Variants in CIB2 observed in about 807,000 individuals in gnomAD.
The protein encoded by CIB2 is calcium and integrin-binding family member 2.
A neutral mutation model predicts 23.1 loss-of-function variants in CIB2; 19 were observed. The observed-to-expected ratio is 0.82, with a 90% CI of 0.57 to 1.21. The LOEUF (loss-of-function observed/expected upper bound fraction) is 1.21. Among genes scored for constraint, CIB2 ranks in the 50% most tolerant of loss-of-function variants. CIB2 has a pLI of 0.00. For missense variants in CIB2, 220 were observed against 241.5 expected, an observed-to-expected ratio of 0.91 and a Z score of 0.59; for synonymous variants, 94 against 91.7, an observed-to-expected ratio of 1.03 and a Z score of -0.14.
At chr15:78,121,234 C>T (rs2074313461) in intron 2 of CIB2, among the ~76,000 whole-genome samples, 1 of 152,210 alleles carries the variant, frequency 6.6e-6, no homozygotes. Context: ...CTCCCAGACA[C>T]AGGGGCCTGT....
intron 2 of CIB2, among the ~76,000 whole-genome samples, chr15:78,117,455 A>G (rs1320997123): frequency 1.3e-5 from 2 of 152,134 alleles, no homozygotes; most frequent in Non-Finnish European, 2.9e-5. Flanking sequence ...TCCCAATGTA[A>G]ATGAGAATGA....
intron 2 of CIB2, among the ~76,000 whole-genome samples, chr15:78,114,838 C>T (rs1351779460): frequency 6.7e-6 from 1 of 149,926 alleles, no homozygotes; most frequent in Non-Finnish European, 1.5e-5. Flanking sequence ...GTCCTAGCTA[C>T]TCAGGAGGCT....
rs756431884 is a variant in CIB2, at chr15:78,131,196, A to G, written c.20T>C (p.Ile7Thr). The G allele has an allele frequency of 3.2e-6, 5 of 1,584,806 alleles. No individual in the cohort carries two copies. In the Admixed American group the frequency reaches 8.5e-5, roughly 27 times the overall value. The change falls in exon 1 of 6, where the codon ATC becomes ACC. Residue 7 changes from isoleucine (I) to threonine (T), a missense_variant. Physicochemically the swap from Ile to Thr is moderately conservative, Grantham distance 89. Transcript: ENST00000258930. The surrounding 1 kb of genome is among the most constrained non-coding windows in gnomAD (Gnocchi z 5.8). ...GTTGTCTAGCTGCTCTTCGGTGAAGATGGTCTGCTTGTTCCCCATGGTGGC... is the reference window on the plus strand; with the variant it reads ...GTTGTCTAGCTGCTCTTCGGTGAAGGTGGTCTGCTTGTTCCCCATGGTGGC... MGNKQT[I>T]FTEEQLDNYQ...
chr15:78,126,140 GCC>G (rs55741935), intron 1 of CIB2, among the ~76,000 whole-genome samples: 6 of 129,810 alleles, frequency 4.6e-5, no homozygotes, highest in Non-Finnish European at 8.0e-5. Flanking sequence ...CCTTTCCCCT[GCC>G]CCCCCCCCTT....
intron 2 of CIB2, among the ~76,000 whole-genome samples, chr15:78,115,920 A>G (rs558097011): frequency 5.5e-4 from 83 of 152,164 alleles, no homozygotes; most frequent in Non-Finnish European, 1.0e-3. Context: ...ATTTCTCCCC[A>G]GGAGCACTAA....
intron 2 of CIB2, among the ~76,000 whole-genome samples, chr15:78,112,339 G>T (rs1225078091): frequency 6.6e-6 from 1 of 152,142 alleles, no homozygotes; most frequent in Non-Finnish European, 1.5e-5. Flanking sequence ...GGCTGAGGTG[G>T]GAGGACCACT....
At chr15:78,111,570 A>AT (rs1290624222) in intron 2 of CIB2, among the ~76,000 whole-genome samples, 2 of 151,898 alleles carry the variant, frequency 1.3e-5, no homozygotes, top group African/African-American at 2.4e-5. Context: ...AAATCTTTTA[A>AT]TTTTTTCTCC....
At chr15:78,111,381 C>A (rs1596351013) in intron 2 of CIB2, 105 bp from the exon 3 acceptor site, 2 of 869,344 alleles carry the variant, frequency 2.3e-6, no homozygotes, top group East Asian at 5.2e-5. Flanking sequence ...ACATCCTCAG[C>A]CAGGACCAGG....
intron 2 of CIB2, chr15:78,120,548 T>C (rs2074303443): frequency 3.0e-6 from 3 of 985,246 alleles, no homozygotes; most frequent in Non-Finnish European, 3.6e-6. Context: ...ACAAGGGAAG[T>C]TGAAGTGCTA....
intron 1 of CIB2, among the ~76,000 whole-genome samples, chr15:78,128,494 T>G (rs996447350): frequency 1.3e-5 from 2 of 152,046 alleles, no homozygotes; most frequent in African/African-American, 2.4e-5. Context: ...CTGGCCAACA[T>G]GGCAAAACCC....
At chr15:78,108,828 C>G (rs1201728185) in intron 4 of CIB2, among the ~76,000 whole-genome samples, 1 of 152,062 alleles carries the variant, frequency 6.6e-6, no homozygotes, top group Non-Finnish European at 1.5e-5. Flanking sequence ...ACTCATACCG[C>G]CCCCTGTCCC....
intron 2 of CIB2, among the ~76,000 whole-genome samples, chr15:78,119,142 A>C (rs543065131): frequency 1.3e-5 from 2 of 152,078 alleles, no homozygotes; most frequent in Non-Finnish European, 2.9e-5. Context: ...GACTTTAAAA[A>C]AAAAAAAAAA....
In CIB2 at chr15:78,130,939, G is replaced by C. The variant is rs182330972; in HGVS notation, c.51+226C>G. On this transcript the variant is annotated intron_variant, in intron 1 of 5. Coordinates refer to ENST00000258930, the MANE Select transcript of CIB2 (RefSeq NM_006383.4). The stretch of plus-strand genomic sequence containing the variant: ...GGCGAGAGTAGCTGGAGAGAGGCGC[G>C]CCTGAGAGGTTCTTCCAACTGGAAA... 1.2e-4 allele frequency among the ~76,000 whole-genome samples: 19 copies of C among 152,292 alleles called. No individual in the cohort carries two copies. The East Asian group carries it at 3.7e-3, about 30-fold the overall frequency.
chr15:78,111,019 A>C lies in CIB2; in HGVS notation c.198+146T>G, dbSNP rs147151784. ...TTATTTATTCAGAGTACAGATGAGG[A>C]AACTGAGGCACAGAGAGGTTCTGTG... On this transcript the variant is annotated intron_variant, in intron 3 of 5. Coordinates refer to ENST00000258930, the MANE Select transcript of CIB2 (RefSeq NM_006383.4). 1,877 of 716,624 alleles carry C rather than the reference A, an allele frequency of 2.6e-3. 28 individuals carry two copies. In the African/African-American group the frequency reaches 0.027, roughly 10 times the overall value. The allele number at this position is 716,624 out of a possible 1,614,324, so 44.4% of individuals were successfully genotyped here.
chr15:78,106,829 G>A (rs2074078070), intron 4 of CIB2, among the ~76,000 whole-genome samples: 1 of 152,084 alleles, frequency 6.6e-6, no homozygotes, highest in South Asian at 2.1e-4. Flanking sequence ...GACATTAATG[G>A]TAGTGACAAA....
At position 78,131,204 on chromosome 15, in the gene CIB2, C is replaced by T. The variant is rs373826971; in HGVS notation, c.12G>A (p.Lys4=). 3.8e-6 allele frequency: 6 copies of T among 1,561,662 alleles called. No individual in the cohort carries two copies. The highest frequency in any genetic ancestry group is 3.5e-5 in the Admixed American group (2 of 56,816). ...GCTGCTCTTCGGTGAAGATGGTCTG[C>T]TTGTTCCCCATGGTGGCCGCCGCGC... The part of the protein sequence containing the change: MGN[K]QTIFTEEQLD... Residue 4 remains lysine, a synonymous_variant, in exon 1 of 6, where the codon AAG becomes AAA. Transcript: ENST00000258930. The surrounding 1 kb of genome is among the most constrained non-coding windows in gnomAD (Gnocchi z 5.8).
At chr15:78,111,322 A>G in intron 2 of CIB2, 46 bp from the exon 3 acceptor site, 4 of 1,503,514 alleles carry the variant, frequency 2.7e-6, no homozygotes, top group Non-Finnish European at 3.7e-6. Context: ...TGCCATCCCT[A>G]AGCCCCAGCA....
intron 2 of CIB2, chr15:78,120,806 G>A (rs2074307449): frequency 3.3e-6 from 3 of 907,720 alleles, no homozygotes; most frequent in Non-Finnish European, 2.6e-6. Context: ...CATCTGGTCA[G>A]TACGCAGGGA....
In CIB2 at chr15:78,116,898, C is replaced by T. The variant is rs543939235; in HGVS notation, c.87-5622G>A. On this transcript the variant is annotated intron_variant, in intron 2 of 5. Coordinates refer to ENST00000258930, the MANE Select transcript of CIB2 (RefSeq NM_006383.4). ...GAGTTTGAGACCAGCCTGGGCAACACAGTGAGACTGTTTCTATAATTTTTT... is the reference window on the plus strand; with the variant it reads ...GAGTTTGAGACCAGCCTGGGCAACATAGTGAGACTGTTTCTATAATTTTTT... Among the ~76,000 whole-genome samples the T allele has an allele frequency of 1.0e-4, 15 of 149,802 alleles. No homozygotes were observed. In the East Asian group the frequency reaches 2.7e-3, roughly 27 times the overall value.
Sources: gnomAD v4.1 joint callset for allele counts (sites outside exome capture counted in the v4.1 genomes callset) on GRCh38, gnomAD v4.1.1 for gene constraint, Gnocchi (gnomAD v3.1) non-coding constraint, MANE v1.5 for transcripts, NCBI Gene and HGNC (gene_info 2026-07-23, HGNC 2026-07-21) for gene names.